Variants in ZNF487 observed in about 807,000 individuals in gnomAD.
ZNF487 encodes zinc finger protein 487, also known as KRAB domain only 1.
In ZNF487, 4 loss-of-function variants were observed where a neutral mutation model predicts 3.0. The observed-to-expected ratio is 1.35, with a 90% confidence interval of 0.66 to 3.08. The LOEUF is 3.08. ZNF487 is among the 30% of genes most tolerant of loss of function. The pLI is 0.01. For synonymous variants in ZNF487, 55 were observed against 34.6 expected, an observed-to-expected ratio of 1.59 and a Z score of -2.06; for missense variants, 146 against 98.7, an observed-to-expected ratio of 1.48 and a Z score of -2.03.
chr10:43,440,548 C>T (rs1446320161), intron 1 of ZNF487, among the ~76,000 whole-genome samples: 1 of 151,852 alleles, frequency 6.6e-6, no homozygotes, highest in East Asian at 1.9e-4. Context: ...GTCCCAGCTA[C>T]TTGGGAGGCT....
chr10:43,523,293 A>G, the ZNF487 span: 4 of 152,370 alleles, frequency 2.6e-5, no homozygotes, highest in Non-Finnish European at 5.9e-5. Flanking sequence ...CAAGACCAGC[A>G]TTTGAGGAAA....
chr10:43,515,522 TCC>T, the ZNF487 span, among the ~76,000 whole-genome samples: 2 of 152,164 alleles, frequency 1.3e-5, no homozygotes, highest in Non-Finnish European at 2.9e-5. Context: ...TTCATCAGGG[TCC>T]TCCCACACAT....
chr10:43,485,342 A>G (rs967027818), downstream of ZNF487, among the ~76,000 whole-genome samples: 1 of 152,250 alleles, frequency 6.6e-6, no homozygotes, highest in Non-Finnish European at 1.5e-5. Flanking sequence ...ATAGTTATCA[A>G]AATTGAGCTG....
At chr10:43,468,161 G>GAGTT (rs1447724565) in intron 1 of ZNF487, among the ~76,000 whole-genome samples, 1 of 152,156 alleles carries the variant, frequency 6.6e-6, no homozygotes, top group East Asian at 1.9e-4. Flanking sequence ...AACAGATGAG[G>GAGTT]AGTTGCTTCT....
downstream of ZNF487, among the ~76,000 whole-genome samples, chr10:43,487,233 A>G (rs538277518): frequency 3.0e-4 from 44 of 147,936 alleles, no homozygotes; most frequent in East Asian, 7.6e-3. Context: ...TCCGCCTTCC[A>G]GGATCAAGCG....
chr10:43,488,467 CTA>C, the ZNF487 span, among the ~76,000 whole-genome samples: 4 of 152,170 alleles, frequency 2.6e-5, no homozygotes, highest in East Asian at 7.7e-4. Context: ...AAGTGTAAAA[CTA>C]AAAGCAGTTT....
chr10:43,501,731 G>A, the ZNF487 span, among the ~76,000 whole-genome samples: 6 of 150,802 alleles, frequency 4.0e-5, no homozygotes, highest in South Asian at 1.3e-3. Flanking sequence ...AACAGAGTGA[G>A]ACCCTGTCTC....
At chr10:43,476,580 T>C (rs541263394) in intron 3 of ZNF487, among the ~76,000 whole-genome samples, 2 of 152,324 alleles carry the variant, frequency 1.3e-5, no homozygotes, top group South Asian at 4.1e-4. Flanking sequence ...GTTAGAGATA[T>C]AGCTCTAACA....
At chr10:43,476,503 A>G (rs1325665636) in intron 3 of ZNF487, among the ~76,000 whole-genome samples, 1 of 152,032 alleles carries the variant, frequency 6.6e-6, no homozygotes, top group Non-Finnish European at 1.5e-5. Flanking sequence ...TCTTCTTTTC[A>G]TCATATATTA....
the ZNF487 span, among the ~76,000 whole-genome samples, chr10:43,502,388 G>T: frequency 7.3e-5 from 11 of 151,666 alleles, 1 homozygote; most frequent in South Asian, 6.2e-4. Flanking sequence ...GTCGTGGGGT[G>T]GGGGGGGATA....
intron 1 of ZNF487, among the ~76,000 whole-genome samples, chr10:43,469,508 A>T (rs755772907): frequency 1.4e-4 from 21 of 151,754 alleles, no homozygotes; most frequent in African/African-American, 3.9e-4. Context: ...TTATTTATTT[A>T]TTTTTTTAAA....
intron 1 of ZNF487, among the ~76,000 whole-genome samples, chr10:43,442,429 AATTTATTT>A (rs566488632): frequency 3.3e-5 from 5 of 151,706 alleles, no homozygotes; most frequent in African/African-American, 9.7e-5. Context: ...GATTTTCCTG[AATTTATTT>A]ATTTATTTAT....
the ZNF487 span, among the ~76,000 whole-genome samples, chr10:43,519,959 G>A: frequency 6.6e-6 from 1 of 152,214 alleles, no homozygotes; most frequent in East Asian, 1.9e-4. Context: ...ATGGTTAAAT[G>A]AATGAATAAG....
chr10:43,509,030 C>A, the ZNF487 span, among the ~76,000 whole-genome samples: 2 of 149,606 alleles, frequency 1.3e-5, no homozygotes, highest in Non-Finnish European at 3.0e-5. Context: ...GCTCTCTGTA[C>A]TAAAAATACA....
At chr10:43,463,552 ATTT>A (rs34591446) in intron 1 of ZNF487, among the ~76,000 whole-genome samples, 1 of 145,222 alleles carries the variant, frequency 6.9e-6, no homozygotes, top group East Asian at 2.0e-4. Flanking sequence ...AAAAAAAAAA[ATTT>A]TTTTTTTTTG....
chr10:43,454,080 C>G (rs1383139450), intron 1 of ZNF487: 2 of 152,090 alleles, frequency 1.3e-5, no homozygotes, highest in Non-Finnish European at 2.9e-5. Context: ...GAGTCTCGCT[C>G]TGTCGCCCAG....
At chr10:43,470,444 C>A (rs1443870436) in intron 1 of ZNF487, among the ~76,000 whole-genome samples, 2 of 152,116 alleles carry the variant, frequency 1.3e-5, no homozygotes, top group African/African-American at 4.8e-5. Context: ...AGTGCAATGG[C>A]GTGATCTCAC....
chr10:43,490,818 GC>G, the ZNF487 span, among the ~76,000 whole-genome samples: 6 of 148,016 alleles, frequency 4.1e-5, no homozygotes, highest in Non-Finnish European at 7.4e-5. Context: ...GGGATTACAG[GC>G]ATGCACCTCT....
intron 1 of ZNF487, among the ~76,000 whole-genome samples, chr10:43,455,404 C>A (rs1432278627): frequency 2.6e-5 from 4 of 152,238 alleles, no homozygotes; most frequent in African/African-American, 9.6e-5. Context: ...ATCGTGACTA[C>A]CAACCACCAC....
Sources: gnomAD v4.1 joint callset for allele counts (sites outside exome capture counted in the v4.1 genomes callset) on GRCh38, gnomAD v4.1.1 for gene constraint, MANE v1.5 for transcripts, NCBI Gene and HGNC (gene_info 2026-07-23, HGNC 2026-07-21) for gene names.